Variants in KLHDC4 observed in about 807,000 individuals in gnomAD.
KLHDC4 encodes kelch domain-containing protein 4.
A neutral mutation model predicts 62.4 loss-of-function variants in KLHDC4; 90 were observed. The observed-to-expected ratio is 1.44, with a 90% CI of 1.22 to 1.72. The LOEUF is 1.72. Ranked by LOEUF, KLHDC4 falls within the 40% of genes most tolerant of loss-of-function variation. KLHDC4 has a pLI of 0.00. For synonymous variants in KLHDC4, 386 were observed against 284.4 expected (o/e 1.36, Z -3.59); for missense variants, 1,025 against 699.7 (o/e 1.47, Z -5.25).
intron 5 of KLHDC4, among the ~76,000 whole-genome samples, chr16:87,735,929 T>C (rs1242776919): frequency 6.6e-6 from 1 of 152,220 alleles, no homozygotes; most frequent in East Asian, 1.9e-4. Context: ...TCTACATGCT[T>C]AGGGTACAGT....
chr16:87,743,753 A>G (rs759341184), intron 5 of KLHDC4, among the ~76,000 whole-genome samples: 1 of 151,558 alleles, frequency 6.6e-6, no homozygotes, highest in Non-Finnish European at 1.5e-5. Context: ...AAAAATAAAA[A>G]TAAAAGTAAA....
chr16:87,765,879 C>T lies in KLHDC4; in HGVS notation c.12G>A (p.Lys4=). ...CGCGGCCCTTCTTCTCCTTCTTGCC[C>T]TTCTTGCCCATCTTGCCGGGTCCCA... MGK[K]GKKEKKGRGA... The change falls in exon 1 of 12, where the codon AAG becomes AAA. Residue 4 remains lysine (K), a synonymous_variant. Transcript: ENST00000270583. 5 of 1,551,712 alleles carry T rather than the reference C, an allele frequency of 3.2e-6. No individual in the cohort carries two copies. The highest frequency in any genetic ancestry group is 1.4e-5 in the African/African-American group (1 of 73,224).
intron 7 of KLHDC4, among the ~76,000 whole-genome samples, chr16:87,720,936 C>G (rs567930902): frequency 2.6e-5 from 4 of 152,330 alleles, no homozygotes; most frequent in African/African-American, 7.2e-5. Flanking sequence ...GGAACCGGGT[C>G]AAGTCCCTCT....
chr16:87,719,831 G>A (rs777204857), intron 7 of KLHDC4, among the ~76,000 whole-genome samples: 1 of 152,152 alleles, frequency 6.6e-6, no homozygotes, highest in African/African-American at 2.4e-5. Flanking sequence ...AGCGCAACAG[G>A]GCTGGCTCTG....
exon 1 of KLHDC4, chr16:87,701,604 C>T: frequency 2.3e-6 from 1 of 430,404 alleles, no homozygotes; most frequent in Non-Finnish European, 4.7e-6. Context: ...CTGGGGTCGG[C>T]AGAGTGGGCC....
intron 6 of KLHDC4, among the ~76,000 whole-genome samples, chr16:87,728,106 G>C (rs1374775376): frequency 1.3e-5 from 2 of 152,160 alleles, no homozygotes; most frequent in African/African-American, 4.8e-5. Context: ...AGAATAGTTT[G>C]AACCTACGAG....
chr16:87,754,205 G>C (rs1345976851), intron 4 of KLHDC4, among the ~76,000 whole-genome samples: 5 of 151,800 alleles, frequency 3.3e-5, no homozygotes, highest in Admixed American at 3.3e-4. Flanking sequence ...TCCCAGTCAG[G>C]TGTGGTGAGG....
At chr16:87,744,080 A>T (rs1280349515) in intron 5 of KLHDC4, among the ~76,000 whole-genome samples, 2 of 152,106 alleles carry the variant, frequency 1.3e-5, no homozygotes, top group African/African-American at 4.8e-5. Context: ...GGAGTTCAAG[A>T]CCAGCCTGGC....
intron 7 of KLHDC4, among the ~76,000 whole-genome samples, chr16:87,721,598 A>G (rs892622694): frequency 6.6e-6 from 1 of 152,042 alleles, no homozygotes; most frequent in African/African-American, 2.4e-5. Context: ...GTGAGCACGG[A>G]GCTCTGGCTC....
At chr16:87,733,794 C>G (rs538518131) in intron 5 of KLHDC4, among the ~76,000 whole-genome samples, 1 of 151,532 alleles carries the variant, frequency 6.6e-6, no homozygotes, top group African/African-American at 2.4e-5. Context: ...TGACCTGCCT[C>G]GCCTCCTACT....
intron 5 of KLHDC4, among the ~76,000 whole-genome samples, chr16:87,741,762 C>T (rs186944155): frequency 1.2e-4 from 19 of 152,230 alleles, no homozygotes; most frequent in African/African-American, 4.3e-4. Context: ...AAGGAAGAGA[C>T]TGACTACTCC....
rs377687804 is a variant in KLHDC4, at chr16:87,762,051, C to G, written c.100-11G>C. On this transcript the variant is annotated splice_polypyrimidine_tract_variant and intron_variant, in intron 1 of 11. Coordinates refer to ENST00000270583, the MANE Select transcript of KLHDC4 (RefSeq NM_017566.4). ...CGCTTCCAGGTCTTCCTAGGGCAAG[C>G]AAGCAGGCACACGTGAGACTTATTC... 1.3e-5 allele frequency: 21 copies of G among 1,612,680 alleles called. No homozygotes were observed. Among genetic ancestry groups the G allele is most frequent in the Non-Finnish European group, 1.8e-5 (21 of 1,179,468 alleles).
Position 87,727,188 on chromosome 16 carries a change from GT to G in KLHDC4, c.600-265del, listed in dbSNP as rs1167592338. ...TGGAGACAGGGCAACATTTTCACCT[GT>G]TTAATTCAAGTTTGAATTGATATGA... is the stretch of plus-strand genomic sequence containing the variant. On this transcript the variant is annotated intron_variant, in intron 6 of 11. Transcript: ENST00000270583. Among the ~76,000 whole-genome samples the G allele has an allele frequency of 4.2e-3, 431 of 103,264 alleles. 2 individuals carry two copies. Among genetic ancestry groups the G allele is most frequent in the African/African-American group, 0.016 (415 of 25,686 alleles). The allele number at this position is 103,264 out of a possible 152,430, so 67.7% of individuals were successfully genotyped here. A position where few individuals can be genotyped will look rare whatever the true frequency, so the allele number is the denominator to read the frequency against.
intron 4 of KLHDC4, among the ~76,000 whole-genome samples, chr16:87,753,655 C>T (rs572528045): frequency 4.2e-4 from 64 of 150,888 alleles, no homozygotes; most frequent in Middle Eastern, 3.4e-3. Flanking sequence ...CAAAAAATTA[C>T]CTAGGCGTGG....
At chr16:87,753,245 C>G (rs1381038828) in intron 4 of KLHDC4, among the ~76,000 whole-genome samples, 1 of 152,176 alleles carries the variant, frequency 6.6e-6, no homozygotes, top group Non-Finnish European at 1.5e-5. Context: ...AGGGTGAGAC[C>G]AAGGAACCAC....
downstream of KLHDC4, chr16:87,703,279 A>AGC (rs2034258476): frequency 6.6e-6 from 1 of 151,532 alleles, no homozygotes; most frequent in Admixed American, 6.6e-5. Context: ...TCCCCGGGTC[A>AGC]GCGCGCGTGG....
At chr16:87,765,350 GAA>G (rs1456112411) in intron 1 of KLHDC4, 2 of 458,980 alleles carry the variant, frequency 4.4e-6, no homozygotes, top group African/African-American at 4.0e-5. Context: ...TCTTTTGAAA[GAA>G]AAGTAAGGTT....
rs746630270 is a variant in KLHDC4, at chr16:87,708,478, G to C, written c.1448-12C>G. On this transcript the variant is annotated splice_polypyrimidine_tract_variant and intron_variant, in intron 10 of 11. Coordinates refer to ENST00000270583, the MANE Select transcript of KLHDC4 (RefSeq NM_017566.4). ...CCACTCCTGAGTTTCTTCAAAAGCA[G>C]AATGAACGCACATACACGTCAGCGC... 33 of 1,591,186 alleles carry C rather than the reference G, an allele frequency of 2.1e-5. No individual in the cohort carries two copies. In the East Asian group the frequency reaches 4.3e-4, roughly 21 times the overall value.
At chr16:87,702,278 T>A (rs1336099924) in exon 1 of KLHDC4, 1 of 456,332 alleles carries the variant, frequency 2.2e-6, no homozygotes, top group Non-Finnish European at 4.4e-6. Context: ...GGGCAGCCAC[T>A]GTTTGGCAAG....
Sources: gnomAD v4.1 joint callset for allele counts (sites outside exome capture counted in the v4.1 genomes callset) on GRCh38, gnomAD v4.1.1 for gene constraint, MANE v1.5 for transcripts, NCBI Gene and HGNC (gene_info 2026-07-23, HGNC 2026-07-21) for gene names.